The following TNFAIP2 variants were observed in gnomAD, a reference collection of about 807,000 sequenced individuals.
TNFAIP2 encodes tumor necrosis factor alpha-induced protein 2.
A neutral mutation model predicts 63.5 loss-of-function variants in TNFAIP2; 47 were observed. That is an observed-to-expected ratio of 0.74 (90% CI 0.59 to 0.94). The LOEUF (loss-of-function observed/expected upper bound fraction) is 0.94, where lower values mean the gene tolerates loss of function less well. Among genes scored for constraint, TNFAIP2 ranks in the 40% least tolerant of loss-of-function variants. The pLI is 0.00. For missense variants in TNFAIP2, 787 were observed against 850.2 expected (o/e 0.93, Z 0.92); for synonymous variants, 405 against 390.2 (o/e 1.04, Z -0.45).
Position 103,127,000 on chromosome 14 carries a change from C to T in TNFAIP2, c.236-5C>T, listed in dbSNP as rs1207754984. ...GCCGGGGCTGACGCGGCTTTCCCGG[C>T]GCAGTGGAGGAGCTGAAGGCGGCGC... On this transcript the variant is annotated splice_polypyrimidine_tract_variant and splice_region_variant and intron_variant, in intron 2 of 11. Transcript: ENST00000560869. 4.1e-6 allele frequency: 5 copies of T among 1,210,098 alleles called. No individual in the cohort carries two copies. In the African/African-American group the frequency reaches 4.9e-5, roughly 12 times the overall value. The allele number at this position is 1,210,098 out of a possible 1,614,324, so 75.0% of individuals were successfully genotyped here.
chr14:103,126,621 G>C lies in TNFAIP2; in HGVS notation c.164G>C (p.Gly55Ala), dbSNP rs2087858326. ...TTCACCAAAGGGAAGAAGAAGAAGG[G>C]TCAGCCCAGCTCAGCGGAGCCCGAG... The part of the protein sequence containing the change: ...CVFTKGKKKK[G>A]QPSSAEPEDA... The change falls in exon 2 of 12, where the codon GGT becomes GCT. Residue 55 changes from glycine to alanine, a missense_variant. By Grantham distance (60) the Gly-to-Ala change is moderately conservative (BLOSUM62 0). Transcript: ENST00000560869. The C allele has an allele frequency of 5.8e-6, 9 of 1,554,312 alleles. No homozygotes were observed. Among genetic ancestry groups the C allele is most frequent in the Non-Finnish European group, 7.8e-6 (9 of 1,148,700 alleles).
At chr14:103,122,810 G>C (rs1243634024), upstream of TNFAIP2, 1 of 453,096 alleles carries the variant, frequency 2.2e-6, no homozygotes, top group African/African-American at 2.0e-5. Flanking sequence ...GCCTGGCTAG[G>C]AACCCCACTC....
At chr14:103,133,130 G>T (rs1223096251) in intron 9 of TNFAIP2, among the ~76,000 whole-genome samples, 3 of 133,668 alleles carry the variant, frequency 2.2e-5, no homozygotes, top group Non-Finnish European at 5.0e-5. Flanking sequence ...ACACGTGAAG[G>T]CACGAGCATG....
intron 9 of TNFAIP2, among the ~76,000 whole-genome samples, chr14:103,133,075 C>T (rs569814070): frequency 1.3e-5 from 2 of 152,324 alleles, no homozygotes; most frequent in East Asian, 3.9e-4. Flanking sequence ...TGTGAACACA[C>T]ACATGTGAAT....
At chr14:103,128,771 G>A (rs1400015495) in intron 3 of TNFAIP2, among the ~76,000 whole-genome samples, 3 of 152,198 alleles carry the variant, frequency 2.0e-5, no homozygotes, top group South Asian at 2.1e-4. Flanking sequence ...GCCAGTTCCC[G>A]CTTGCTCGTC....
rs1451117156 is a variant in TNFAIP2, at chr14:103,127,097, G to A, written c.328G>A (p.Ala110Thr). 1 of 1,104,164 alleles carries A rather than the reference G, an allele frequency of 9.1e-7. No individual in the cohort carries two copies. The highest frequency in any genetic ancestry group is 1.1e-6 in the Non-Finnish European group (1 of 906,996). The allele number at this position is 1,104,164 out of a possible 1,614,324, so 68.4% of individuals were successfully genotyped here. A position where few individuals can be genotyped will look rare whatever the true frequency, so the allele number is the denominator to read the frequency against. Residue 110 changes from alanine (A) to threonine (T), a missense_variant, in exon 3 of 12, where the codon GCG (alanine) becomes ACG (threonine). This residue lies in a region of TNFAIP2 where 258 missense variants were observed against 228.9 expected (regional missense o/e 1.13). Transcript: ENST00000560869. The surrounding 1 kb of genome is among the most constrained non-coding windows in gnomAD (Gnocchi z 5.1). ...GCGGGAGCTGGCGGCGGCGGCGGCG[G>A]CGGGCGGTGTGAGCGAGGAGGAGCT... ...LERELAAAAA[A>T]GGVSEEELVR... is the part of the protein sequence containing the mutation.
In TNFAIP2 at chr14:103,127,517, G is replaced by A. The variant is rs1449349160; in HGVS notation, c.748G>A (p.Ala250Thr). ...PAEFGVVAAY[A>T]ESYHQHFAAH... ...CGAGTTCGGCGTCGTGGCGGCCTAC[G>A]CCGAGAGCTACCACCAGCACTTCGC... Residue 250 changes from alanine to threonine, a missense_variant, in exon 3 of 12, where the codon GCC (alanine) becomes ACC (threonine). Physicochemically the swap from Ala to Thr is moderately conservative, Grantham distance 58. Around this residue, in one of 3 missense-constraint regions of TNFAIP2, gnomAD observed 523 missense variants for 604.1 expected, o/e 0.87. Coordinates refer to ENST00000560869, the MANE Select transcript of TNFAIP2 (RefSeq NM_006291.4). The surrounding 1 kb of genome is among the most constrained non-coding windows in gnomAD (Gnocchi z 5.1). 9 of 1,589,692 alleles carry A rather than the reference G, an allele frequency of 5.7e-6. No individual in the cohort carries two copies. Among genetic ancestry groups the A allele is most frequent in the Non-Finnish European group, 7.7e-6 (9 of 1,175,560 alleles).
chr14:103,130,230 C>G (rs2087944397), intron 5 of TNFAIP2, 85 bp from the exon 6 acceptor site: 1 of 1,528,768 alleles, frequency 6.5e-7, no homozygotes, highest in Non-Finnish European at 8.8e-7. Flanking sequence ...CGGGGCACCC[C>G]CTCTGTTCCC....
At chr14:103,126,758 G>GT in intron 2 of TNFAIP2, 66 bp downstream of exon 2, 1 of 1,476,728 alleles carries the variant, frequency 6.8e-7, no homozygotes, top group Non-Finnish European at 9.1e-7. Context: ...ATCCGCGTGA[G>GT]TGAGCCACTT....
At chr14:103,123,045 G>T (rs1014558223), upstream of TNFAIP2, 33 of 261,322 alleles carry the variant, frequency 1.3e-4, no homozygotes, top group East Asian at 3.5e-3. Context: ...TCAGAGGGGC[G>T]GCTGGGGAGT....
intron 6 of TNFAIP2, among the ~76,000 whole-genome samples, chr14:103,130,797 G>A (rs1441954133): frequency 1.3e-5 from 2 of 152,138 alleles, no homozygotes; most frequent in East Asian, 1.9e-4. Flanking sequence ...CCAACCACAC[G>A]CTCACTCCTA....
Position 103,132,877 on chromosome 14 carries a change from G to A in TNFAIP2, c.1545+5G>A, listed in dbSNP as rs540381228. On this transcript the variant is annotated splice_donor_5th_base_variant and intron_variant, in intron 9 of 11. Transcript: ENST00000560869. ...CTGCAGGGCTGTTTCCGGGAGGTGA[G>A]GAGGCTCTGGGCTGGTGGCTGGGTC... is the stretch of plus-strand genomic sequence containing the variant. The A allele has an allele frequency of 1.9e-6, 3 of 1,613,440 alleles. No individual in the cohort carries two copies. The highest frequency in any genetic ancestry group is 2.5e-6 in the Non-Finnish European group (3 of 1,179,836).
Position 103,127,590 on chromosome 14 carries a change from C to T in TNFAIP2, c.821C>T (p.Thr274Ile), listed in dbSNP as rs754826280. The T allele has an allele frequency of 1.3e-4, 209 of 1,549,272 alleles. No individual in the cohort carries two copies. The highest frequency in any genetic ancestry group is 1.7e-4 in the Non-Finnish European group (194 of 1,150,544). The change falls in exon 3 of 12, where the codon ACC (threonine) becomes ATC (isoleucine). Residue 274 changes from threonine to isoleucine, a missense_variant. By Grantham distance (89) the Thr-to-Ile change is moderately conservative. Around this residue, in one of 3 missense-constraint regions of TNFAIP2, gnomAD observed 523 missense variants for 604.1 expected, o/e 0.87. Transcript: ENST00000560869. This position sits in a 1 kb window ranked among gnomAD's most constrained non-coding sequence, Gnocchi z 5.1. ...VAQFELCERD[T>I]YMLLLWVQNL... ...CAGTTCGAGCTGTGCGAGCGCGACA[C>T]CTACATGCTGCTGCTCTGGGTGCAG...
chr14:103,133,654 G>A, intron 10 of TNFAIP2, 28 bp from the exon 11 acceptor site: 3 of 1,550,020 alleles, frequency 1.9e-6, no homozygotes, highest in East Asian at 2.3e-5. Context: ...GGACCCCTGG[G>A]TCCCTCCAAC....
chr14:103,132,153 C>G (rs889644963), intron 8 of TNFAIP2, among the ~76,000 whole-genome samples: 3 of 152,200 alleles, frequency 2.0e-5, no homozygotes, highest in Non-Finnish European at 4.4e-5. Context: ...TCCCCTCAGC[C>G]CCTCCTATCC....
intron 3 of TNFAIP2, among the ~76,000 whole-genome samples, chr14:103,128,964 A>G (rs1255819883): frequency 6.6e-6 from 1 of 152,190 alleles, no homozygotes; most frequent in Non-Finnish European, 1.5e-5. Flanking sequence ...AATGTGGGGA[A>G]CGGAGGGACA....
At chr14:103,129,645 C>A in intron 3 of TNFAIP2, 95 bp from the exon 4 acceptor site, 1 of 1,141,772 alleles carries the variant, frequency 8.8e-7, no homozygotes, top group Non-Finnish European at 1.3e-6. Context: ...GCAGTCTGGG[C>A]CTGCCAGAGA....
Position 103,131,845 on chromosome 14 carries a change from G to C in TNFAIP2, c.1422+83G>C. ...TGGGAGGTGCCCCCAGGGAGGAGTG[G>C]CAGAAGCAAAGATGTGGGGAAGACA... On this transcript the variant is annotated intron_variant, in intron 8 of 11. Transcript: ENST00000560869. This position sits in a 1 kb window ranked among gnomAD's most constrained non-coding sequence, Gnocchi z 4.0. 6.6e-7 allele frequency: 1 copy of C among 1,524,382 alleles called. No individual in the cohort carries two copies. Among genetic ancestry groups the C allele is most frequent in the South Asian group, 1.2e-5 (1 of 82,606 alleles). The allele number at this position is 1,524,382 out of a possible 1,614,324, so 94.4% of individuals were successfully genotyped here.
At position 103,127,512 on chromosome 14, in the gene TNFAIP2, C is replaced by T. The variant is rs1201021037; in HGVS notation, c.743C>T (p.Ala248Val). The change falls in exon 3 of 12, where the codon GCC (alanine) becomes GTC (valine). Residue 248 changes from alanine (A) to valine (V), a missense_variant. Ala to Val is a moderately conservative substitution (Grantham distance 64, BLOSUM62 0). This residue lies in a region of TNFAIP2 where 523 missense variants were observed against 604.1 expected (regional missense o/e 0.87). Transcript: ENST00000560869. The surrounding 1 kb of genome is among the most constrained non-coding windows in gnomAD (Gnocchi z 5.1). ...CCCGCCGAGTTCGGCGTCGTGGCGG[C>T]CTACGCCGAGAGCTACCACCAGCAC... ...LFPAEFGVVA[A>V]YAESYHQHFA... is the part of the protein sequence containing the mutation. 1.3e-6 allele frequency: 2 copies of T among 1,589,830 alleles called. No individual in the cohort carries two copies. The highest frequency in any genetic ancestry group is 3.4e-5 in the Admixed American group (2 of 58,564).
Sources: gnomAD v4.1 joint callset for allele counts (sites outside exome capture counted in the v4.1 genomes callset) on GRCh38, gnomAD v4.1.1 for gene constraint, gnomAD v4.1.1 regional missense constraint, Gnocchi (gnomAD v3.1) non-coding constraint, MANE v1.5 for transcripts, NCBI Gene and HGNC (gene_info 2026-07-23, HGNC 2026-07-21) for gene names.